Variants in ATAD3B observed in about 807,000 individuals in gnomAD.
ATAD3B encodes the protein ATPase family AAA domain containing 3B, also known as ATPase family AAA domain-containing protein 3B.
In ATAD3B, 59 loss-of-function variants were observed where a neutral mutation model predicts 70.2. The observed-to-expected ratio is 0.84, with a 90% CI of 0.68 to 1.04. ATAD3B has a LOEUF of 1.04. Among genes scored for constraint, ATAD3B ranks in the 50% least tolerant of loss-of-function variants. The pLI is 0.00. For missense variants in ATAD3B, 961 were observed against 913.4 expected (o/e 1.05, Z -0.67); for synonymous variants, 423 against 388.6 (o/e 1.09, Z -1.04).
Position 1,471,891 on chromosome 1 carries a change from T to C in ATAD3B, c.7T>C (p.Trp3Arg). 7.8e-7 allele frequency: 1 copy of C among 1,274,886 alleles called. No homozygotes were observed. The highest frequency in any genetic ancestry group is 9.9e-7 in the Non-Finnish European group (1 of 1,005,528). 79.0% of individuals were successfully genotyped at this position (1,274,886 alleles called of 1,614,324 possible). The change falls in exon 1 of 16, where the codon TGG becomes CGG. Residue 3 changes from tryptophan to arginine, a missense_variant. Trp to Arg is a moderately radical substitution (Grantham distance 101). Around this residue, in one of 4 missense-constraint regions of ATAD3B, gnomAD observed 187 missense variants for 244.3 expected, o/e 0.77. Transcript: ENST00000673477. ...CGGCGGCGGCGGTGCGAGCATGTCG[T>C]GGCTCTTCGGCGTTAACAAGGGCCC... Reference protein sequence around the residue: MSWLFGVNKGPKG... With the variant: MSRLFGVNKGPKG...
At chr1:1,501,707 T>G (rs1640949051), downstream of ATAD3B, among the ~76,000 whole-genome samples, 1 of 151,726 alleles carries the variant, frequency 6.6e-6, no homozygotes, top group South Asian at 2.1e-4. Flanking sequence ...TCCACAAGAG[T>G]TTTTCCTGTT....
intron 5 of ATAD3B, 108 bp from the exon 6 acceptor site, chr1:1,482,030 G>T: frequency 2.0e-6 from 3 of 1,483,932 alleles, no homozygotes; most frequent in Non-Finnish European, 2.7e-6. Context: ...TGTGGCGTTG[G>T]TCTGTCCGTG....
chr1:1,485,241 C>T (rs1453419616), intron 8 of ATAD3B, 70 bp downstream of exon 8: 31 of 1,575,310 alleles, frequency 2.0e-5, no homozygotes, highest in Non-Finnish European at 2.5e-5. Context: ...ACGAGCACAG[C>T]CCACGCACAC....
intron 7 of ATAD3B, chr1:1,484,684 T>G (rs1640105135): frequency 5.9e-6 from 2 of 339,954 alleles, no homozygotes; most frequent in South Asian, 1.5e-4. Context: ...AGTACCATTT[T>G]TAGTGGCCAA....
the ATAD3B span, chr1:1,503,377 A>T: frequency 1.7e-6 from 1 of 585,336 alleles, no homozygotes; most frequent in East Asian, 3.1e-5. Context: ...TGGAGGGCAT[A>T]AAACCTCACA....
At chr1:1,500,064 A>C (rs1175019977), downstream of ATAD3B, among the ~76,000 whole-genome samples, 1 of 150,142 alleles carries the variant, frequency 6.7e-6, no homozygotes, top group Non-Finnish European at 1.5e-5. Flanking sequence ...CGCCCGGCTA[A>C]GTTTTTGTAT....
In ATAD3B at chr1:1,487,851, T is replaced by G. The variant is rs1458143926; in HGVS notation, c.1215-12T>G. On this transcript the variant is annotated splice_polypyrimidine_tract_variant and intron_variant, in intron 11 of 15. Transcript: ENST00000673477. The stretch of plus-strand genomic sequence containing the variant: ...TCACTCTCGCCTTGCTTGGCCTCTC[T>G]CTCGTTCACAGCCTCCTGCTCTTCA... 6.2e-7 allele frequency: 1 copy of G among 1,612,648 alleles called. No individual in the cohort carries two copies. The highest frequency in any genetic ancestry group is 8.5e-7 in the Non-Finnish European group (1 of 1,179,276).
In ATAD3B at chr1:1,489,630, G is replaced by A. The variant is rs1041971184; in HGVS notation, c.1337+356G>A. On this transcript the variant is annotated intron_variant, in intron 13 of 15. Transcript: ENST00000673477. ...GTAGGGTGACCGGCCCTATGTCCAGGCTCCCTCTTCCCTCCCAAATCCCTT... is the reference window on the plus strand; with the variant it reads ...GTAGGGTGACCGGCCCTATGTCCAGACTCCCTCTTCCCTCCCAAATCCCTT... 4.5e-6 allele frequency: 6 copies of A among 1,331,298 alleles called. No individual in the cohort carries two copies. In the East Asian group the frequency reaches 1.6e-4, roughly 37 times the overall value. The allele number at this position is 1,331,298 out of a possible 1,614,324, so 82.5% of individuals were successfully genotyped here. A position where few individuals can be genotyped will look rare whatever the true frequency, so the allele number is the denominator to read the frequency against.
At chr1:1,489,934 C>T in intron 13 of ATAD3B, 1 of 1,241,702 alleles carries the variant, frequency 8.1e-7, no homozygotes, top group Non-Finnish European at 1.0e-6. Flanking sequence ...CGCATCCCTG[C>T]TCCCAGCACA....
chr1:1,473,134 CT>C (rs569834397), intron 1 of ATAD3B, among the ~76,000 whole-genome samples: 3,425 of 84,402 alleles, frequency 0.041, 29 homozygotes, highest in East Asian at 0.12. Flanking sequence ...GAAGGGATTC[CT>C]TTTTTTTTTT....
intron 14 of ATAD3B, 51 bp downstream of exon 14, chr1:1,490,475 GTGTAGGCCAGCTGCC>G: frequency 1.2e-6 from 2 of 1,611,230 alleles, no homozygotes; most frequent in Non-Finnish European, 1.7e-6. Flanking sequence ...TATGGCATGG[GTGTAGGCCAGCTGCC>G]TGTCTTCCGG....
chr1:1,493,383 CCTT>C (rs1328728086), intron 15 of ATAD3B, among the ~76,000 whole-genome samples: 3 of 151,898 alleles, frequency 2.0e-5, no homozygotes, highest in Non-Finnish European at 4.4e-5. Flanking sequence ...TGATCGCTGG[CCTT>C]CTTTGTGTTT....
the ATAD3B span, among the ~76,000 whole-genome samples, chr1:1,508,277 A>G: frequency 6.6e-6 from 1 of 151,246 alleles, no homozygotes; most frequent in Non-Finnish European, 1.5e-5. Context: ...GTCTCCCCAC[A>G]CAGTGGCTCT....
downstream of ATAD3B, among the ~76,000 whole-genome samples, chr1:1,499,066 G>C (rs966815824): frequency 6.6e-6 from 1 of 151,622 alleles, no homozygotes; most frequent in African/African-American, 2.4e-5. Flanking sequence ...CCACCTCCCG[G>C]GTTCACGCCA....
chr1:1,505,675 C>T, the ATAD3B span, among the ~76,000 whole-genome samples: 3 of 152,116 alleles, frequency 2.0e-5, no homozygotes, highest in Non-Finnish European at 4.4e-5. Flanking sequence ...CCGGGCGTAA[C>T]GGAAGGCTCG....
At chr1:1,479,723 A>G (rs1191878597) in intron 4 of ATAD3B, among the ~76,000 whole-genome samples, 1 of 141,610 alleles carries the variant, frequency 7.1e-6, no homozygotes, top group African/African-American at 2.7e-5. Context: ...CGCACCTCCC[A>G]CACACACCCG....
chr1:1,476,970 C>CT (rs956448932), intron 1 of ATAD3B, among the ~76,000 whole-genome samples: 3 of 151,796 alleles, frequency 2.0e-5, no homozygotes, highest in African/African-American at 7.3e-5. Flanking sequence ...CCACACCCAG[C>CT]TTTTTTTTGT....
intron 2 of ATAD3B, chr1:1,478,336 T>G (rs1215184505): frequency 8.0e-7 from 1 of 1,248,122 alleles, no homozygotes; most frequent in African/African-American, 1.5e-5. Context: ...AGCTCTGCCC[T>G]CATCACAGTC....
chr1:1,507,369 T>G, the ATAD3B span, among the ~76,000 whole-genome samples: 1 of 152,196 alleles, frequency 6.6e-6, no homozygotes, highest in East Asian at 1.9e-4. Context: ...TGTTGAGTGT[T>G]TTTCTCATAA....
Sources: allele counts gnomAD v4.1 joint callset (sites outside exome capture counted in the v4.1 genomes callset), GRCh38; gene constraint gnomAD v4.1.1; regional missense constraint gnomAD v4.1.1; transcripts MANE v1.5; gene names NCBI Gene and HGNC (gene_info 2026-07-23, HGNC 2026-07-21).